Variants in SYTL5 observed in about 807,000 individuals in gnomAD.
The protein encoded by SYTL5 is synaptotagmin-like protein 5.
SYTL5 carries 34 observed loss-of-function variants against 55.9 expected under a neutral mutation model. The observed-to-expected ratio is 0.61, with a 90% CI of 0.46 to 0.81. The LOEUF (loss-of-function observed/expected upper bound fraction) is 0.81, where lower values mean the gene tolerates loss of function less well. Among genes scored for constraint, SYTL5 ranks in the 30% least tolerant of loss-of-function variants. The pLI is 0.00. For missense variants in SYTL5, 637 were observed against 546.7 expected (o/e 1.17, Z -1.65); for synonymous variants, 221 against 188.7 (o/e 1.17, Z -1.40).
At chrX:38,106,476 C>T in intron 10 of SYTL5, 117 bp from the exon 11 acceptor site, 1 of 659,498 alleles carries the variant, frequency 1.5e-6, no homozygotes, top group Non-Finnish European at 2.2e-6. Flanking sequence ...CTTTCCTCAC[C>T]CTAGACTTCC....
chrX:37,966,478 C>T, the SYTL5 span, among the ~76,000 whole-genome samples: 1 of 94,836 alleles, frequency 1.1e-5, no homozygotes, highest in African/African-American at 3.9e-5. Flanking sequence ...CACTCTGTCA[C>T]CCAGGCTGGA....
rs1381587513 is a variant in SYTL5, at chrX:38,128,785, G to C, written c.*2055G>C. The C allele has an allele frequency of 9.0e-6, 1 of 111,144 alleles. No homozygotes were observed. The highest frequency in any genetic ancestry group is 3.3e-5 in the African/African-American group (1 of 30,577). The allele number at this position is 111,144 out of a possible 1,213,427, so 9.2% of individuals were successfully genotyped here. ...TAAGATCATCATTGCTTCCCACATA[G>C]GAAAAATAAAATGTCTTCAGACTTG... On this transcript the variant is annotated 3_prime_UTR_variant, in exon 17 of 17. Coordinates refer to ENST00000297875, the MANE Select transcript of SYTL5 (RefSeq NM_138780.3).
chrX:38,106,870 C>A, intron 11 of SYTL5, 99 bp downstream of exon 11: 1 of 705,055 alleles, frequency 1.4e-6, no homozygotes, highest in Non-Finnish European at 2.0e-6. Flanking sequence ...CTTCTTGATT[C>A]AGTCTTCTCA....
chrX:38,012,210 T>C (rs1314482267), intron 1 of SYTL5, among the ~76,000 whole-genome samples: 2 of 112,345 alleles, frequency 1.8e-5, no homozygotes, highest in East Asian at 2.8e-4. Flanking sequence ...TTCATGTAAA[T>C]AGACTTCAGC....
At chrX:37,964,868 T>C in the SYTL5 span, among the ~76,000 whole-genome samples, 1 of 111,190 alleles carries the variant, frequency 9.0e-6, no homozygotes, top group Admixed American at 9.6e-5. Flanking sequence ...TTATCCAGTT[T>C]GTGTAAAATT....
the SYTL5 span, among the ~76,000 whole-genome samples, chrX:37,976,355 G>A: frequency 8.9e-6 from 1 of 111,825 alleles, no homozygotes; most frequent in South Asian, 3.7e-4. Flanking sequence ...TTCCAAATTT[G>A]TTTTCATGGG....
At chrX:37,892,539 T>G in the SYTL5 span, among the ~76,000 whole-genome samples, 114 of 98,197 alleles carry the variant, frequency 1.2e-3, no homozygotes, top group African/African-American at 4.0e-3. Flanking sequence ...AGTATATGTA[T>G]ATATGTATGT....
At chrX:37,979,717 A>G in the SYTL5 span, among the ~76,000 whole-genome samples, 1 of 108,024 alleles carries the variant, frequency 9.3e-6, no homozygotes, top group East Asian at 2.9e-4. Flanking sequence ...ACAGATCTTC[A>G]GTCTTGTGTT....
the SYTL5 span, chrX:37,945,791 G>C: frequency 8.3e-6 from 1 of 120,070 alleles, no homozygotes; most frequent in South Asian, 3.3e-4. Flanking sequence ...GGCTAAAACA[G>C]GTGGAATGAC....
intron 3 of SYTL5, among the ~76,000 whole-genome samples, chrX:38,071,009 T>G (rs947674133): frequency 2.7e-5 from 3 of 111,278 alleles, no homozygotes; most frequent in African/African-American, 9.8e-5. Context: ...TAATAAGAAC[T>G]ATGAGAATAT....
chrX:38,081,097 T>C (rs939338787), intron 6 of SYTL5, among the ~76,000 whole-genome samples: 5 of 112,335 alleles, frequency 4.5e-5, no homozygotes, highest in Admixed American at 1.9e-4. Flanking sequence ...CTGTGAGCAT[T>C]GTCCTCCAAA....
At chrX:37,954,846 G>A in the SYTL5 span, among the ~76,000 whole-genome samples, 1 of 111,321 alleles carries the variant, frequency 9.0e-6, no homozygotes, top group African/African-American at 3.3e-5. Context: ...ATGAAGCTAT[G>A]GTGAGTTAAC....
intron 6 of SYTL5, among the ~76,000 whole-genome samples, chrX:38,080,438 C>T (rs1391425625): frequency 9.0e-6 from 1 of 111,307 alleles, no homozygotes; most frequent in African/African-American, 3.3e-5. Context: ...CACTCCTCCA[C>T]TCCACGCACA....
intron 16 of SYTL5, among the ~76,000 whole-genome samples, chrX:38,125,907 T>C (rs1454525124): frequency 8.9e-6 from 1 of 111,859 alleles, no homozygotes; most frequent in Non-Finnish European, 1.9e-5. Flanking sequence ...TTCTCAGTTC[T>C]GTCCAGCACT....
At chrX:38,021,479 C>T (rs1000208025) in intron 1 of SYTL5, among the ~76,000 whole-genome samples, 4 of 112,082 alleles carry the variant, frequency 3.6e-5, no homozygotes, top group African/African-American at 1.3e-4. Flanking sequence ...CAAGACAAAA[C>T]GAGATATCCC....
the SYTL5 span, among the ~76,000 whole-genome samples, chrX:37,954,639 T>C: frequency 1.2e-4 from 14 of 112,273 alleles, no homozygotes; most frequent in Non-Finnish European, 2.4e-4. Context: ...TTTATAACTC[T>C]TGGACCATGC....
At chrX:37,966,243 TTCTGTCTCTC>T in the SYTL5 span, among the ~76,000 whole-genome samples, 4 of 110,640 alleles carry the variant, frequency 3.6e-5, no homozygotes, top group Admixed American at 9.6e-5. Flanking sequence ...TTTGATTCCT[TTCTGTCTCTC>T]TCTGTCTCTC....
Position 38,044,257 on chromosome X carries a change from G to A in SYTL5, c.120-9956G>A, listed in dbSNP as rs146429036. On this transcript the variant is annotated intron_variant, in intron 2 of 16. Transcript: ENST00000297875. ...ATACTGACAACTAGGGAAACTGCTC[G>A]AAATGTGTTTTGCAATAACCTTTAT... 3.3e-4 allele frequency among the ~76,000 whole-genome samples: 37 copies of A among 111,537 alleles called. No individual in the cohort carries two copies. The East Asian group carries it at 0.01, about 30-fold the overall frequency.
At chrX:38,123,679 C>G (rs1197148872) in intron 15 of SYTL5, among the ~76,000 whole-genome samples, 1 of 112,234 alleles carries the variant, frequency 8.9e-6, no homozygotes, top group African/African-American at 3.2e-5. Flanking sequence ...TGTGACCTTG[C>G]AACGGTACTT....
Sources: gnomAD v4.1 joint callset for allele counts (sites outside exome capture counted in the v4.1 genomes callset) on GRCh38, gnomAD v4.1.1 for gene constraint, MANE v1.5 for transcripts, NCBI Gene and HGNC (gene_info 2026-07-23, HGNC 2026-07-21) for gene names.